The following PDE4D variants were observed in gnomAD, a reference collection of about 807,000 sequenced individuals.
The protein encoded by PDE4D is phosphodiesterase 4D.
A neutral mutation model predicts 87.4 loss-of-function variants in PDE4D; 24 were observed. The observed-to-expected ratio is 0.27, with a 90% CI of 0.20 to 0.39. The LOEUF is 0.39. Among genes scored for constraint, PDE4D ranks in the 10% least tolerant of loss-of-function variants. The pLI is 1.00. For missense variants in PDE4D, 714 were observed against 1,041.0 expected, an observed-to-expected ratio of 0.69 and a Z score of 4.32; for synonymous variants, 384 against 383.2, an observed-to-expected ratio of 1.00 and a Z score of -0.02.
chr5:59,907,421 G>T (rs1180703175), intron 3 of PDE4D, among the ~76,000 whole-genome samples: 1 of 152,042 alleles, frequency 6.6e-6, no homozygotes, highest in East Asian at 1.9e-4. Context: ...AGACACTAGG[G>T]TCTATCTACT....
Position 60,414,243 on chromosome 5 carries a change from T to C in PDE4D, c.-90+73699A>G, listed in dbSNP as rs546267955. ...TTCTGCCATATTATCCATACATTGT[T>C]TTTATATTCTTTAGGTAGTTTTTAT... On this transcript the variant is annotated intron_variant, in intron 1 of 16. Coordinates refer to the PDE4D transcript ENST00000502484. Among the ~76,000 whole-genome samples the C allele has an allele frequency of 2.6e-5, 4 of 152,334 alleles. No individual in the cohort carries two copies. The South Asian group carries it at 8.3e-4, about 32-fold the overall frequency.
At chr5:59,007,439 A>G (rs889387286) in intron 6 of PDE4D, among the ~76,000 whole-genome samples, 3 of 149,668 alleles carry the variant, frequency 2.0e-5, no homozygotes, top group African/African-American at 7.3e-5. Context: ...TAGCCACAGA[A>G]AACTAGTGTT....
At position 59,181,564 on chromosome 5, in the gene PDE4D, ATATATATT is replaced by A. The variant is rs1247541388; in HGVS notation, c.759-928_759-921del. Among the ~76,000 whole-genome samples, 6 of 108,964 alleles carry A rather than the reference ATATATATT, an allele frequency of 5.5e-5. 1 individual carries two copies. Among genetic ancestry groups the A allele is most frequent in the African/African-American group, 9.7e-5 (3 of 30,848 alleles). The allele number at this position is 108,964 out of a possible 152,430, so 71.5% of individuals were successfully genotyped here. On this transcript the variant is annotated intron_variant, in intron 4 of 14. Coordinates refer to ENST00000340635, the MANE Select transcript of PDE4D (RefSeq NM_001104631.2). ...GTCTGATATATATATATATATATAT[ATATATATT>A]AGGTATATAATAATTATATATATAT...
chr5:59,844,865 G>A (rs1024822152), intron 1 of PDE4D, among the ~76,000 whole-genome samples: 1 of 152,054 alleles, frequency 6.6e-6, no homozygotes, highest in African/African-American at 2.4e-5. Flanking sequence ...TTTTGGGTGG[G>A]CCTGACTGAA....
intron 3 of PDE4D, among the ~76,000 whole-genome samples, chr5:59,968,141 C>T (rs185325474): frequency 3.9e-5 from 6 of 151,978 alleles, no homozygotes; most frequent in East Asian, 1.9e-4. Flanking sequence ...TGCGCCACCA[C>T]GCCTGGCTAA....
At chr5:59,388,545 C>G (rs1787559957) in intron 1 of PDE4D, among the ~76,000 whole-genome samples, 1 of 151,642 alleles carries the variant, frequency 6.6e-6, no homozygotes, top group Admixed American at 6.6e-5. Flanking sequence ...CTCCCATGTT[C>G]ATTATAGCAT....
intron 1 of PDE4D, among the ~76,000 whole-genome samples, chr5:60,204,172 ATCTG>A (rs1315746409): frequency 6.6e-6 from 1 of 152,182 alleles, no homozygotes; most frequent in Non-Finnish European, 1.5e-5. Context: ...GGTGTCTTTT[ATCTG>A]TCTGTCTGTC....
intron 1 of PDE4D, among the ~76,000 whole-genome samples, chr5:59,667,636 A>C (rs1022235718): frequency 1.5e-4 from 23 of 152,070 alleles, no homozygotes; most frequent in African/African-American, 5.3e-4. Context: ...GAATCATCTT[A>C]GATGTCTCAC....
rs1291122998 is a variant in PDE4D, at chr5:59,609,399, C to CACACACACACACAT, written c.455+283768_455+283769insATGTGTGTGTGTGT. On this transcript the variant is annotated intron_variant, in intron 1 of 14. Coordinates refer to ENST00000340635, the MANE Select transcript of PDE4D (RefSeq NM_001104631.2). ...ATGTACACACACACACACACACACA[C>CACACACACACACAT]ATATATATATGTAGTTAATCTGAAT... Among the ~76,000 whole-genome samples, 453 of 151,212 alleles carry CACACACACACACAT rather than the reference C, an allele frequency of 3.0e-3. 1 individual carries two copies. Among genetic ancestry groups the CACACACACACACAT allele is most frequent in the African/African-American group, 0.01 (424 of 41,294 alleles).
chr5:59,431,928 T>A (rs553989423), intron 1 of PDE4D, among the ~76,000 whole-genome samples: 54 of 152,236 alleles, frequency 3.5e-4, no homozygotes, highest in African/African-American at 1.3e-3. Flanking sequence ...AGCCTCCAGT[T>A]CCATCCATGT....
At chr5:59,380,982 A>G (rs1200752867) in intron 1 of PDE4D, among the ~76,000 whole-genome samples, 1 of 152,184 alleles carries the variant, frequency 6.6e-6, no homozygotes, top group African/African-American at 2.4e-5. Context: ...AGTAGTTACT[A>G]CAGAGTTCTT....
chr5:60,013,132 T>G (rs1356117463), intron 2 of PDE4D, among the ~76,000 whole-genome samples: 1 of 152,166 alleles, frequency 6.6e-6, no homozygotes, highest in African/African-American at 2.4e-5. Context: ...CTCCGCTTTT[T>G]TGGACCCCGT....
At chr5:60,301,850 A>G (rs138208604) in intron 1 of PDE4D, among the ~76,000 whole-genome samples, 1 of 152,158 alleles carries the variant, frequency 6.6e-6, no homozygotes, top group African/African-American at 2.4e-5. Flanking sequence ...ATGTTCATTC[A>G]ATATCTAGTT....
intron 3 of PDE4D, among the ~76,000 whole-genome samples, chr5:59,957,030 T>C (rs1302050098): frequency 6.6e-6 from 1 of 152,224 alleles, no homozygotes; most frequent in Non-Finnish European, 1.5e-5. Context: ...CACTGACTTA[T>C]GGAATTCTTT....
intron 3 of PDE4D, among the ~76,000 whole-genome samples, chr5:59,948,508 T>G (rs899317367): frequency 2.0e-5 from 3 of 152,218 alleles, no homozygotes; most frequent in Admixed American, 6.5e-5. Flanking sequence ...GATAATGGCT[T>G]GCTGTTCTTA....
chr5:59,175,584 C>T (rs977657792), intron 5 of PDE4D, among the ~76,000 whole-genome samples: 4 of 139,982 alleles, frequency 2.9e-5, no homozygotes, highest in African/African-American at 8.0e-5. Flanking sequence ...AGAGTTCAAG[C>T]GATTTCCTGT....
intron 2 of PDE4D, among the ~76,000 whole-genome samples, chr5:60,174,890 C>T (rs1582966324): frequency 6.6e-6 from 1 of 151,976 alleles, no homozygotes; most frequent in Non-Finnish European, 1.5e-5. Flanking sequence ...TGACTCTGCA[C>T]GTGTGTGTTT....
chr5:59,507,773 A>C (rs1233349923), intron 1 of PDE4D, among the ~76,000 whole-genome samples: 4 of 152,108 alleles, frequency 2.6e-5, no homozygotes, highest in African/African-American at 9.7e-5. Flanking sequence ...TCTTTGGTAA[A>C]TAATATGAAT....
intron 5 of PDE4D, among the ~76,000 whole-genome samples, chr5:59,169,996 T>C (rs1419125470): frequency 6.6e-6 from 1 of 151,894 alleles, no homozygotes; most frequent in African/African-American, 2.4e-5. Flanking sequence ...CTGGCAGGAG[T>C]GGACTTTGGT....
Sources: allele counts gnomAD v4.1 joint callset (sites outside exome capture counted in the v4.1 genomes callset), GRCh38; gene constraint gnomAD v4.1.1; transcripts MANE v1.5; gene names NCBI Gene and HGNC (gene_info 2026-07-23, HGNC 2026-07-21).